The following CNTNAP5 variants were observed in gnomAD, a reference collection of about 807,000 sequenced individuals.
CNTNAP5 encodes the protein contactin associated protein family member 5.
Under a neutral mutation model 150.2 loss-of-function variants are expected in CNTNAP5, and 72 were observed. The ratio of observed to expected loss-of-function variants is 0.48; its 90% CI spans 0.40 to 0.58. The LOEUF is 0.58. CNTNAP5 is among the 20% of genes least tolerant of loss of function. CNTNAP5 has a pLI of 0.00. For missense variants in CNTNAP5, 1,636 were observed against 1,626.2 expected (o/e 1.01, Z -0.10); for synonymous variants, 672 against 619.8 (o/e 1.08, Z -1.25).
rs114947513 is a variant in CNTNAP5 at position 124,700,828 on chromosome 2, T to C, written c.2078-46401T>C. Among the ~76,000 whole-genome samples, 175 of 152,182 alleles carry C rather than the reference T, an allele frequency of 1.1e-3. 1 individual carries two copies. The highest frequency in any genetic ancestry group is 3.4e-3 in the Middle Eastern group (1 of 294). ...TATTTAAGGTATACAAAACATGATA[T>C]TATGAGATACATATAGATATTAGGT... On this transcript the variant is annotated intron_variant, in intron 13 of 23. Transcript: ENST00000682447.
At chr2:124,577,372 C>T (rs993061246) in intron 11 of CNTNAP5, among the ~76,000 whole-genome samples, 9 of 152,134 alleles carry the variant, frequency 5.9e-5, no homozygotes, top group African/African-American at 2.2e-4. Context: ...TAGCTGATTC[C>T]ACAGTTTATT....
intron 13 of CNTNAP5, among the ~76,000 whole-genome samples, chr2:124,660,659 A>C (rs554777898): frequency 6.6e-6 from 1 of 152,288 alleles, no homozygotes; most frequent in Non-Finnish European, 1.5e-5. Context: ...TTGCATTTAC[A>C]GCACATTTTA....
At chr2:124,221,203 C>G (rs1327563398) in intron 1 of CNTNAP5, among the ~76,000 whole-genome samples, 1 of 152,110 alleles carries the variant, frequency 6.6e-6, no homozygotes, top group African/African-American at 2.4e-5. Context: ...AAGACTTTCA[C>G]ACAACTGGGA....
At chr2:124,913,317 T>G (rs1678693924) in intron 23 of CNTNAP5, among the ~76,000 whole-genome samples, 1 of 152,134 alleles carries the variant, frequency 6.6e-6, no homozygotes, top group Non-Finnish European at 1.5e-5. Context: ...TATTCCTTTA[T>G]TGATATTGCC....
rs779404908 is a variant in CNTNAP5, at chr2:124,903,024, G to A, written c.3579G>A (p.Gly1193=). The change falls in exon 22 of 24, where the codon GGG becomes GGA. Residue 1193 remains glycine, a synonymous_variant. Transcript: ENST00000682447. ...CTGTCGCGCCTGTGACTGTCCATGG[G>A]ACCTTGACGGAATCCAGCTGTGGCT... is the stretch of plus-strand genomic sequence containing the variant. The part of the protein sequence containing the change: ...HATVAPVTVH[G]TLTESSCGFM... 1.9e-6 allele frequency: 3 copies of A among 1,609,552 alleles called. No homozygotes were observed. The highest frequency in any genetic ancestry group is 2.2e-5 in the East Asian group (1 of 44,502).
intron 14 of CNTNAP5, among the ~76,000 whole-genome samples, chr2:124,756,033 G>T (rs1680833139): frequency 6.6e-6 from 1 of 152,092 alleles, no homozygotes. Flanking sequence ...GCAATAATTT[G>T]TGCACCCAGC....
intron 12 of CNTNAP5, among the ~76,000 whole-genome samples, chr2:124,642,139 G>A (rs1235618511): frequency 6.6e-6 from 1 of 152,210 alleles, no homozygotes; most frequent in Non-Finnish European, 1.5e-5. Flanking sequence ...AGATGCACTA[G>A]TGAAGGCTGT....
intron 1 of CNTNAP5, among the ~76,000 whole-genome samples, chr2:124,108,014 T>C (rs1207844168): frequency 6.6e-6 from 1 of 152,222 alleles, no homozygotes. Context: ...CACAATTTAG[T>C]TGAGCATAGT....
intron 12 of CNTNAP5, among the ~76,000 whole-genome samples, chr2:124,627,119 C>T (rs988612354): frequency 1.3e-5 from 2 of 152,114 alleles, no homozygotes; most frequent in African/African-American, 2.4e-5. Context: ...GAGGGGAAGC[C>T]GTCATCTCAG....
chr2:124,588,906 G>C (rs778157092), intron 11 of CNTNAP5, among the ~76,000 whole-genome samples: 28 of 152,030 alleles, frequency 1.8e-4, no homozygotes, highest in Non-Finnish European at 3.8e-4. Context: ...GCCCTAATCA[G>C]ACACCACAGG....
At chr2:124,683,715 A>G (rs560590597) in intron 13 of CNTNAP5, among the ~76,000 whole-genome samples, 17 of 152,236 alleles carry the variant, frequency 1.1e-4, no homozygotes, top group African/African-American at 4.1e-4. Flanking sequence ...GGCTTTGCTC[A>G]TGTTAACTTT....
At chr2:124,395,678 T>C (rs1400081859) in intron 3 of CNTNAP5, among the ~76,000 whole-genome samples, 1 of 152,136 alleles carries the variant, frequency 6.6e-6, no homozygotes, top group African/African-American at 2.4e-5. Flanking sequence ...AAGCAATATC[T>C]AAACACTATG....
rs142311082 is a variant in CNTNAP5 at position 124,209,987 on chromosome 2, T to C, written c.83-11718T>C. Among the ~76,000 whole-genome samples the C allele has an allele frequency of 4.6e-5, 7 of 152,224 alleles. No individual in the cohort carries two copies. In the East Asian group the frequency reaches 1.2e-3, roughly 25 times the overall value. ...ATAAATTGGCAAATCCAAGCACAGA[T>C]TGAGAAATAAGCGGTGCCAGAAGAT... is the stretch of plus-strand genomic sequence containing the variant. On this transcript the variant is annotated intron_variant, in intron 1 of 23. Coordinates refer to ENST00000682447, the MANE Select transcript of CNTNAP5 (RefSeq NM_001367498.1).
intron 3 of CNTNAP5, among the ~76,000 whole-genome samples, chr2:124,387,023 G>A (rs1690946042): frequency 6.6e-6 from 1 of 152,196 alleles, no homozygotes; most frequent in Non-Finnish European, 1.5e-5. Context: ...AAATGGTGAA[G>A]AGGACCCTTA....
intron 5 of CNTNAP5, among the ~76,000 whole-genome samples, chr2:124,435,524 A>AT (rs1692509624): frequency 6.6e-6 from 1 of 152,230 alleles, no homozygotes. Flanking sequence ...TGAAAAAAAA[A>AT]GTAAATGGCC....
At chr2:124,706,567 T>C (rs976027419) in intron 13 of CNTNAP5, among the ~76,000 whole-genome samples, 5 of 151,700 alleles carry the variant, frequency 3.3e-5, no homozygotes. Context: ...GCCAAAGTGG[T>C]GAAACCCCAT....
chr2:124,659,031 G>A (rs528189850), intron 13 of CNTNAP5, among the ~76,000 whole-genome samples: 13 of 152,200 alleles, frequency 8.5e-5, no homozygotes, highest in Admixed American at 2.0e-4. Context: ...CACTCCTACC[G>A]CCATGTGACC....
At chr2:124,630,124 T>C (rs1349609162) in intron 12 of CNTNAP5, among the ~76,000 whole-genome samples, 1 of 151,666 alleles carries the variant, frequency 6.6e-6, no homozygotes, top group African/African-American at 2.4e-5. Context: ...GATAGATTTA[T>C]AGCTGAACTC....
intron 11 of CNTNAP5, among the ~76,000 whole-genome samples, chr2:124,600,994 G>A (rs773303923): frequency 1.1e-4 from 17 of 152,250 alleles, no homozygotes; most frequent in Non-Finnish European, 1.9e-4. Flanking sequence ...TGAAGGTGAA[G>A]GTAAGATAAA....
Sources: gnomAD v4.1 joint callset for allele counts (sites outside exome capture counted in the v4.1 genomes callset) on GRCh38, gnomAD v4.1.1 for gene constraint, MANE v1.5 for transcripts, NCBI Gene and HGNC (gene_info 2026-07-23, HGNC 2026-07-21) for gene names.